ARMCX4: variants seen among roughly 807,000 people sequenced by gnomAD.
The protein encoded by ARMCX4 is armadillo repeat-containing X-linked protein 4.
ARMCX4 carries 3 observed loss-of-function variants against 34.7 expected under a neutral mutation model. The ratio of observed to expected loss-of-function variants is 0.09; its 90% confidence interval spans 0.04 to 0.22. The LOEUF (loss-of-function observed/expected upper bound fraction) is 0.22, where lower values mean the gene tolerates loss of function less well. ARMCX4 is among the 10% of genes least tolerant of loss of function. ARMCX4 has a pLI of 1.00. For missense variants in ARMCX4, 1,448 were observed against 1,720.8 expected (o/e 0.84, Z 2.81); for synonymous variants, 513 against 632.8 (o/e 0.81, Z 2.84).
chrX:101,485,495 G>C lies in ARMCX4; in HGVS notation c.-472G>C, dbSNP rs1185831649. On this transcript the variant is annotated 5_prime_UTR_variant, in exon 1 of 6. Transcript: ENST00000423738. ...ACCAGCTCCCCGCTGCCCTGCGCTC[G>C]GCGGGCTGGCATCGGGCCCGGGGAA... The C allele has an allele frequency of 4.8e-5, 33 of 694,563 alleles. No homozygotes were observed. Among genetic ancestry groups the C allele is most frequent in the Admixed American group, 1.7e-4 (2 of 11,501 alleles). The allele number at this position is 694,563 out of a possible 1,213,427, so 57.2% of individuals were successfully genotyped here.
At chrX:101,515,433 TC>T in intron 11 of ARMCX4, among the ~76,000 whole-genome samples, 1 of 32,737 alleles carries the variant, frequency 3.1e-5, no homozygotes, top group South Asian at 3.1e-3. Context: ...CTTCCTTCCT[TC>T]CTTCCTTCCT....
intron 2 of ARMCX4, among the ~76,000 whole-genome samples, chrX:101,443,393 G>A (rs914704209): frequency 6.3e-5 from 7 of 111,546 alleles, no homozygotes; most frequent in East Asian, 5.6e-4. Context: ...CTCATCAGAC[G>A]CCAATCCTAC....
intron 11 of ARMCX4, among the ~76,000 whole-genome samples, chrX:101,530,518 A>AT (rs1296976815): frequency 1.8e-5 from 2 of 112,135 alleles, no homozygotes; most frequent in Admixed American, 9.5e-5. Context: ...AAAGTGGTAT[A>AT]TAAAAAAAAG....
intron 11 of ARMCX4, among the ~76,000 whole-genome samples, chrX:101,526,112 T>C (rs1934967261): frequency 1.8e-5 from 2 of 111,736 alleles, no homozygotes; most frequent in African/African-American, 3.3e-5. Flanking sequence ...AAAGGGAAGC[T>C]CATCAGACTA....
Position 101,493,585 on chromosome X carries a change from G to T in ARMCX4, c.4996G>T (p.Ala1666Ser). The T allele has an allele frequency of 2.6e-6, 3 of 1,154,519 alleles. No homozygotes were observed. Among genetic ancestry groups the T allele is most frequent in the Non-Finnish European group, 3.4e-6 (3 of 872,428 alleles). Residue 1666 changes from alanine (A) to serine (S), a missense_variant, in exon 6 of 6, where the codon GCT (alanine) becomes TCT (serine). By Grantham distance (99) the Ala-to-Ser change is moderately conservative (BLOSUM62 1). Around this residue, in one of 2 missense-constraint regions of ARMCX4, gnomAD observed 1,343 missense variants for 1,540.7 expected, o/e 0.87. Transcript: ENST00000423738. ...DCSKPEFEDQ[A>S]CGGGSWAGAG... ...TTCCAAGCCTGAATTTGAGGATCAG[G>T]CTTGTGGAGGAGGCTCCTGGGCTGG...
chrX:101,421,991 G>GTTA (rs200537627), intron 2 of ARMCX4, among the ~76,000 whole-genome samples: 9,729 of 96,281 alleles, frequency 0.1, 660 homozygotes, highest in African/African-American at 0.21. Context: ...TGGGGGATCA[G>GTTA]TTATTATTAT....
Position 101,494,796 on chromosome X carries a change from T to A in ARMCX4, c.6207T>A (p.Ser2069Arg). 5.2e-6 allele frequency: 6 copies of A among 1,154,141 alleles called. No homozygotes were observed. The East Asian group carries it at 1.9e-4, about 37-fold the overall frequency. Residue 2069 changes from serine to arginine, a missense_variant, in exon 6 of 6, where the codon AGT becomes AGA. Transcript: ENST00000423738. The part of the protein sequence containing the change: ...HEIANNALYN[S>R]ADYSYSHEVV... Reference sequence around the variant, plus strand: ...TAGCCAATAATGCTTTATATAACAGTGCTGATTATTCTTATTCTCATGAAG... The same window carrying A: ...TAGCCAATAATGCTTTATATAACAGAGCTGATTATTCTTATTCTCATGAAG...
downstream of ARMCX4, among the ~76,000 whole-genome samples, chrX:101,449,541 A>G (rs1555998710): frequency 8.9e-6 from 1 of 111,842 alleles, no homozygotes; most frequent in Non-Finnish European, 1.9e-5. Context: ...CAGCTCCAGA[A>G]TTTCTGCTTG....
At chrX:101,432,210 C>G (rs782598832) in intron 2 of ARMCX4, among the ~76,000 whole-genome samples, 1 of 111,656 alleles carries the variant, frequency 9.0e-6, no homozygotes, top group Admixed American at 9.6e-5. Context: ...TTGAAGCCCT[C>G]TATGACCACT....
chrX:101,492,233 C>T lies in ARMCX4; in HGVS notation c.3644C>T (p.Ala1215Val), dbSNP rs915603397. ...DKASGGAWTG[A>V]ENQASGGSWA... ...GCCAGTGGAGGAGCCTGGACTGGGG[C>T]TGAGAACCAGGCCAGTGGGGGGTCT... Residue 1215 changes from alanine to valine, a missense_variant, in exon 6 of 6, where the codon GCT becomes GTT. Ala to Val is a moderately conservative substitution (Grantham distance 64). This residue lies in a region of ARMCX4 where 1,343 missense variants were observed against 1,540.7 expected (regional missense o/e 0.87). Coordinates refer to ENST00000423738, the MANE Select transcript of ARMCX4 (RefSeq NM_001256155.3). 3.0e-5 allele frequency: 34 copies of T among 1,136,077 alleles called. No individual in the cohort carries two copies. In the African/African-American group the frequency reaches 5.0e-4, roughly 17 times the overall value. The allele number at this position is 1,136,077 out of a possible 1,213,427, so 93.6% of individuals were successfully genotyped here. A position where few individuals can be genotyped will look rare whatever the true frequency, so the allele number is the denominator to read the frequency against.
At chrX:101,500,081 T>C (rs1315945508), downstream of ARMCX4, among the ~76,000 whole-genome samples, 1 of 111,416 alleles carries the variant, frequency 9.0e-6, no homozygotes, top group Non-Finnish European at 1.9e-5. Flanking sequence ...CTCGAACATT[T>C]TGAGAACAGA....
intron 4 of ARMCX4, among the ~76,000 whole-genome samples, chrX:101,454,706 G>A (rs1457130710): frequency 1.8e-5 from 2 of 111,246 alleles, no homozygotes; most frequent in East Asian, 2.8e-4. Context: ...TTGAGGTAGT[G>A]AATCCTTCCC....
At chrX:101,444,611 C>A (rs1931514773) in intron 3 of ARMCX4, among the ~76,000 whole-genome samples, 1 of 112,235 alleles carries the variant, frequency 8.9e-6, no homozygotes, top group South Asian at 3.7e-4. Context: ...AATCTCTCTC[C>A]CCTCTTGTAA....
chrX:101,467,797 G>C (rs1186583268), intron 4 of ARMCX4, among the ~76,000 whole-genome samples: 20 of 111,877 alleles, frequency 1.8e-4, no homozygotes, highest in African/African-American at 6.5e-4. Flanking sequence ...CCCAAAACAT[G>C]GTTTCTGCTG....
downstream of ARMCX4, among the ~76,000 whole-genome samples, chrX:101,451,205 C>G (rs148099796): frequency 1.5e-3 from 167 of 111,551 alleles, no homozygotes; most frequent in African/African-American, 5.1e-3. Flanking sequence ...ACACTTTAGC[C>G]TGTGGTGATA....
chrX:101,507,372 A>C lies in ARMCX4; in HGVS notation c.*1597-1992A>C, dbSNP rs538477505. On this transcript the variant is annotated intron_variant and NMD_transcript_variant, in intron 8 of 12. Transcript: ENST00000354842. Reference sequence around the variant, plus strand: ...TCATAAGATTTCTATGAGGATTAAAAGATTAAGCACTCAGAGTCATACTTG... The same window carrying C: ...TCATAAGATTTCTATGAGGATTAAACGATTAAGCACTCAGAGTCATACTTG... 3.2e-4 allele frequency among the ~76,000 whole-genome samples: 36 copies of C among 112,008 alleles called. No homozygotes were observed. In the South Asian group the frequency reaches 0.013, roughly 41 times the overall value.
Position 101,489,072 on chromosome X carries a change from A to G in ARMCX4, c.483A>G (p.Lys161=), listed in dbSNP as rs1350841597. The G allele has an allele frequency of 8.6e-7, 1 of 1,156,463 alleles. No individual in the cohort carries two copies. Residue 161 remains lysine, a synonymous_variant, in exon 6 of 6, where the codon AAA becomes AAG. Transcript: ENST00000423738. ...CTGAGGCTGGCAAAATAGTTAAGAA[A>G]GAAGCAGTGACACAGACCAAGGCTA... ...TDAEAGKIVK[K]EAVTQTKAKA...
chrX:101,466,782 T>C (rs1556002053), intron 4 of ARMCX4, among the ~76,000 whole-genome samples: 3 of 112,086 alleles, frequency 2.7e-5, no homozygotes, highest in Non-Finnish European at 5.6e-5. Flanking sequence ...TGTATCTTGA[T>C]CGTGGTGGTA....
chrX:101,477,465 A>AAAAAC (rs1933249839), intron 4 of ARMCX4, among the ~76,000 whole-genome samples: 1 of 95,556 alleles, frequency 1.0e-5, no homozygotes, highest in Non-Finnish European at 2.0e-5. Flanking sequence ...AAAAAAAAAA[A>AAAAAC]TCTTACTGCT....
Sources: gnomAD v4.1 joint callset for allele counts (sites outside exome capture counted in the v4.1 genomes callset) on GRCh38, gnomAD v4.1.1 for gene constraint, gnomAD v4.1.1 regional missense constraint, MANE v1.5 for transcripts, NCBI Gene and HGNC (gene_info 2026-07-23, HGNC 2026-07-21) for gene names.